MICU3: variants seen among roughly 807,000 people sequenced by gnomAD.
The protein encoded by MICU3 is calcium uptake protein 3, mitochondrial.
In MICU3, 62 loss-of-function variants were observed where a neutral mutation model predicts 66.5. That is an observed-to-expected ratio of 0.93 (90% CI 0.76 to 1.15). The LOEUF is 1.15. Among genes scored for constraint, MICU3 ranks in the 50% most tolerant of loss-of-function variants. The probability of loss-of-function intolerance (pLI) is 0.00; values close to 1 mark genes in which losing one functional copy is unlikely to be tolerated. For missense variants in MICU3, 779 were observed against 664.4 expected, an observed-to-expected ratio of 1.17 and a Z score of -1.90; for synonymous variants, 308 against 240.7, an observed-to-expected ratio of 1.28 and a Z score of -2.59.
chr8:17,032,344 T>C (rs1812221991), intron 1 of MICU3, among the ~76,000 whole-genome samples: 1 of 152,172 alleles, frequency 6.6e-6, no homozygotes, highest in Admixed American at 6.5e-5. Flanking sequence ...TTTTTATTAG[T>C]GGGAAAAAAT....
intron 1 of MICU3, among the ~76,000 whole-genome samples, chr8:17,053,560 A>C (rs1816445969): frequency 6.6e-6 from 1 of 152,190 alleles, no homozygotes; most frequent in African/African-American, 2.4e-5. Context: ...TTGTATTGAC[A>C]CAATATTTTT....
intron 1 of MICU3, among the ~76,000 whole-genome samples, chr8:17,042,195 A>G (rs946855524): frequency 1.3e-5 from 2 of 152,186 alleles, no homozygotes; most frequent in African/African-American, 4.8e-5. Context: ...TTTTTTACCC[A>G]TGATGCAATA....
chr8:17,136,609 C>A, the MICU3 span, among the ~76,000 whole-genome samples: 7 of 152,088 alleles, frequency 4.6e-5, no homozygotes, highest in African/African-American at 1.7e-4. Flanking sequence ...TCTTGGCTAC[C>A]CTCTGTCTTG....
At position 17,114,178 on chromosome 8, in the gene MICU3, T is replaced by G; in HGVS notation, c.1343T>G (p.Phe448Cys). The G allele has an allele frequency of 6.2e-7, 1 of 1,609,246 alleles. No homozygotes were observed. Among genetic ancestry groups the G allele is most frequent in the Non-Finnish European group, 8.5e-7 (1 of 1,176,932 alleles). The change falls in exon 12 of 15, where the codon TTT becomes TGT. Residue 448 changes from phenylalanine (F) to cysteine (C), a missense_variant. Transcript: ENST00000318063. ...GCAATAGCCCTGAATATGTATAACT[T>G]TGCAAGTCGTTCTATAGGGCAAGGT... Reference protein sequence around the residue: ...DFAIALNMYNFASRSIGQDEF... With the variant: ...DFAIALNMYNCASRSIGQDEF...
At chr8:17,094,954 G>GT (rs1250218879) in intron 8 of MICU3, among the ~76,000 whole-genome samples, 1 of 151,870 alleles carries the variant, frequency 6.6e-6, no homozygotes, top group Non-Finnish European at 1.5e-5. Context: ...AATTCTTCAT[G>GT]TTTATCTTCC....
intron 1 of MICU3, among the ~76,000 whole-genome samples, chr8:17,058,589 T>A (rs1758552542): frequency 6.6e-6 from 1 of 152,116 alleles, no homozygotes; most frequent in Non-Finnish European, 1.5e-5. Flanking sequence ...GACTTTGGGG[T>A]TTTTTTAAAC....
At chr8:17,072,852 A>G (rs1819809495) in intron 3 of MICU3, among the ~76,000 whole-genome samples, 1 of 152,188 alleles carries the variant, frequency 6.6e-6, no homozygotes, top group South Asian at 2.1e-4. Context: ...AAGGAGAACA[A>G]GAAGGAACCA....
chr8:17,118,659 G>A (rs905760539), intron 13 of MICU3, 48 bp from the exon 14 acceptor site: 2 of 1,207,314 alleles, frequency 1.7e-6, no homozygotes, highest in Non-Finnish European at 2.4e-6. Context: ...AAATCACGCT[G>A]TATTTGTCTT....
intron 6 of MICU3, among the ~76,000 whole-genome samples, chr8:17,085,944 A>G (rs920020404): frequency 1.1e-4 from 16 of 152,128 alleles, no homozygotes; most frequent in African/African-American, 3.6e-4. Flanking sequence ...TATATTTTGC[A>G]TCTCTTTTTG....
At chr8:17,030,910 A>C (rs1479044338) in intron 1 of MICU3, among the ~76,000 whole-genome samples, 1 of 152,144 alleles carries the variant, frequency 6.6e-6, no homozygotes, top group Admixed American at 6.5e-5. Context: ...ATTTTATAAA[A>C]ATTTTATAAA....
intron 13 of MICU3, among the ~76,000 whole-genome samples, chr8:17,117,196 T>G (rs192902360): frequency 6.6e-6 from 1 of 152,106 alleles, no homozygotes; most frequent in Non-Finnish European, 1.5e-5. Flanking sequence ...CAGGCTGACG[T>G]TGAACTCCTG....
intron 8 of MICU3, 74 bp from the exon 9 acceptor site, chr8:17,098,370 TCAAGGTTGGTTAGA>T: frequency 1.1e-6 from 1 of 906,036 alleles, no homozygotes; most frequent in Non-Finnish European, 1.8e-6. Context: ...TGTTTCCTTT[TCAAGGTTGGTTAGA>T]TTTAAAGTGT....
At chr8:17,136,407 C>G in the MICU3 span, among the ~76,000 whole-genome samples, 1 of 152,018 alleles carries the variant, frequency 6.6e-6, no homozygotes, top group Admixed American at 6.6e-5. Flanking sequence ...GGGTTCATGG[C>G]CTTGTGACCA....
At chr8:17,100,718 A>T (rs1801184258) in intron 9 of MICU3, among the ~76,000 whole-genome samples, 1 of 151,662 alleles carries the variant, frequency 6.6e-6, no homozygotes. Context: ...ATAGATTTTT[A>T]AAATTACAGT....
chr8:17,098,522 C>T lies in MICU3; in HGVS notation c.953C>T (p.Thr318Ile), dbSNP rs772470650. 4.3e-6 allele frequency: 7 copies of T among 1,611,414 alleles called. No homozygotes were observed. In the Admixed American group the frequency reaches 6.7e-5, roughly 15 times the overall value. ...RSYWDTLRRN[T>I]SQALFSDLAE... ...TATTGGGATACACTGAGACGTAACA[C>T]AAGCCAAGCACTGTTTTCAGACCTC... The change falls in exon 9 of 15, where the codon ACA becomes ATA. Residue 318 changes from threonine (T) to isoleucine (I), a missense_variant. Physicochemically the swap from Thr to Ile is moderately conservative, Grantham distance 89. Coordinates refer to ENST00000318063, the MANE Select transcript of MICU3 (RefSeq NM_181723.3).
chr8:17,097,273 T>G (rs2150788215), intron 8 of MICU3, among the ~76,000 whole-genome samples: 1 of 151,926 alleles, frequency 6.6e-6, no homozygotes, highest in East Asian at 1.9e-4. Flanking sequence ...ACTGTATTAG[T>G]TCTATATTTA....
intron 11 of MICU3, among the ~76,000 whole-genome samples, chr8:17,112,933 T>A (rs1172758264): frequency 6.6e-6 from 1 of 152,138 alleles, no homozygotes; most frequent in African/African-American, 2.4e-5. Context: ...AACAGCCTTC[T>A]ACAGAAAACA....
intron 5 of MICU3, among the ~76,000 whole-genome samples, chr8:17,082,353 C>T (rs1296596752): frequency 2.0e-5 from 3 of 152,068 alleles, no homozygotes; most frequent in Admixed American, 6.6e-5. Context: ...CCTCAAGATC[C>T]CCGTGATAAT....
chr8:17,060,172 T>C (rs951503390), intron 1 of MICU3, among the ~76,000 whole-genome samples: 5 of 152,130 alleles, frequency 3.3e-5, no homozygotes, highest in Non-Finnish European at 1.5e-5. Context: ...AAGTATTGAG[T>C]TTCTGTTTCA....
Sources: allele counts gnomAD v4.1 joint callset (sites outside exome capture counted in the v4.1 genomes callset), GRCh38; gene constraint gnomAD v4.1.1; transcripts MANE v1.5; gene names NCBI Gene and HGNC (gene_info 2026-07-23, HGNC 2026-07-21).